Variants in SET observed in about 807,000 individuals in gnomAD.
SET encodes the protein SET nuclear proto-oncogene, also known as protein SET.
A neutral mutation model predicts 39.0 loss-of-function variants in SET; 4 were observed. That is an observed-to-expected ratio of 0.10 (90% confidence interval 0.05 to 0.23). SET has a LOEUF of 0.23. Among genes scored for constraint, SET ranks in the 10% least tolerant of loss-of-function variants. The pLI is 1.00. For synonymous variants in SET, 114 were observed against 115.9 expected, an observed-to-expected ratio of 0.98 and a Z score of 0.11; for missense variants, 137 against 329.7, an observed-to-expected ratio of 0.42 and a Z score of 4.53.
chr9:128,691,310 C>A, intron 2 of SET, 83 bp downstream of exon 2: 1 of 849,612 alleles, frequency 1.2e-6, no homozygotes. Flanking sequence ...ATGGTCAAAT[C>A]TATCCACTGT....
intron 5 of SET, 69 bp from the exon 6 acceptor site, chr9:128,693,569 T>G (rs1861621250): frequency 6.9e-7 from 1 of 1,450,762 alleles, no homozygotes; most frequent in Admixed American, 2.8e-5. Flanking sequence ...AAAATCTTAT[T>G]TTTTAAATTA....
At chr9:128,691,341 C>A in intron 2 of SET, 114 bp downstream of exon 2, 2 of 723,028 alleles carry the variant, frequency 2.8e-6, no homozygotes. Flanking sequence ...ATGATTCTAA[C>A]TTGGTTGGAA....
intron 3 of SET, chr9:128,692,204 G>A (rs1364017518): frequency 2.0e-6 from 1 of 493,220 alleles, no homozygotes; most frequent in African/African-American, 2.0e-5. Flanking sequence ...TTGGCCAACA[G>A]GTTGAAACCC....
chr9:128,690,940 G>A, intron 1 of SET: 4 of 579,982 alleles, frequency 6.9e-6, no homozygotes, highest in South Asian at 3.9e-5. Context: ...TTAAAAAGGC[G>A]CTATAGAAAA....
At chr9:128,691,069 TTTTG>T (rs752040683) in intron 1 of SET, 97 bp from the exon 2 acceptor site, 18 of 893,962 alleles carry the variant, frequency 2.0e-5, no homozygotes, top group Non-Finnish European at 2.8e-5. Flanking sequence ...TACTAGGCGT[TTTTG>T]TTTTTGTTTT....
Position 128,695,276 on chromosome 9 carries a change from G to T in SET, c.*612G>T, listed in dbSNP as rs1470537467. 4.5e-6 allele frequency: 1 copy of T among 223,190 alleles called. No homozygotes were observed. Among genetic ancestry groups the T allele is most frequent in the Non-Finnish European group, 9.1e-6 (1 of 109,384 alleles). 13.8% of individuals were successfully genotyped at this position (223,190 alleles called of 1,614,324 possible). On this transcript the variant is annotated 3_prime_UTR_variant, in exon 8 of 8. Transcript: ENST00000322030. ...TTTGGCATGTTTAATTGTGATATTTGACAGACATCCTTGCAGTTTAAGATG... is the reference window on the plus strand; with the variant it reads ...TTTGGCATGTTTAATTGTGATATTTTACAGACATCCTTGCAGTTTAAGATG...
intron 3 of SET, chr9:128,692,215 C>T (rs529023747): frequency 3.5e-5 from 16 of 457,452 alleles, no homozygotes; most frequent in Admixed American, 8.0e-5. Context: ...GTTGAAACCC[C>T]GTCTCTACTA....
chr9:128,694,758 T>TC lies in SET; in HGVS notation c.*97dup, dbSNP rs201363886. The TC allele has an allele frequency of 2.5e-3, 1,337 of 541,908 alleles. 23 individuals are homozygous for TC. Among genetic ancestry groups the TC allele is most frequent in the African/African-American group, 0.016 (607 of 38,880 alleles). The allele number at this position is 541,908 out of a possible 1,614,324, so 33.6% of individuals were successfully genotyped here. On this transcript the variant is annotated 3_prime_UTR_variant, in exon 8 of 8. Transcript: ENST00000322030. Reference sequence around the variant, plus strand: ...TCTTTTTTTTTTTTTTTTTTTTTTTTCCCTCTTGTGCTCAGTCGCCCTGTT... The same window carrying TC: ...TCTTTTTTTTTTTTTTTTTTTTTTTTCCCCTCTTGTGCTCAGTCGCCCTGTT...
chr9:128,692,174 G>A (rs1320632022), intron 3 of SET, among the ~76,000 whole-genome samples, 174 bp downstream of exon 3: 12 of 152,050 alleles, frequency 7.9e-5, no homozygotes, highest in Admixed American at 7.9e-4. Context: ...ATCACTTGAG[G>A]TCAGGGGTTC....
chr9:128,689,745 G>T (rs993934659), intron 1 of SET, 90 bp downstream of exon 1: 7 of 182,090 alleles, frequency 3.8e-5, no homozygotes, highest in Non-Finnish European at 6.0e-5. Flanking sequence ...CGGGGCGCGC[G>T]CGGGGGGCGC....
At chr9:128,692,314 T>G in intron 3 of SET, 1 of 278,790 alleles carries the variant, frequency 3.6e-6, no homozygotes, top group Non-Finnish European at 6.7e-6. Flanking sequence ...GGAGAATCGC[T>G]TGAACCCAGG....
rs780361429 is a variant in SET, at chr9:128,691,189, G to A, written c.93G>A (p.Ala31=). The change falls in exon 2 of 8, where the codon GCG becomes GCA. Residue 31 remains alanine, a synonymous_variant. Coordinates refer to ENST00000322030, the MANE Select transcript of SET (RefSeq NM_003011.4). ...DETSEKEQQE[A]IEHIDEVQNE... ...TTGCAGAAAAAGAACAGCAAGAAGC[G>A]ATTGAACACATTGATGAAGTACAAA... 2.5e-6 allele frequency: 4 copies of A among 1,606,062 alleles called. No individual in the cohort carries two copies. Among genetic ancestry groups the A allele is most frequent in the Non-Finnish European group, 3.4e-6 (4 of 1,177,552 alleles).
chr9:128,691,146 A>T (rs1861521101), intron 1 of SET, 24 bp from the exon 2 acceptor site: 1 of 1,576,290 alleles, frequency 6.3e-7, no homozygotes, highest in Non-Finnish European at 8.7e-7. Context: ...TCTTAGAATT[A>T]AGTTTTTTGC....
chr9:128,692,813 G>A (rs1345027772), intron 4 of SET, 48 bp downstream of exon 4: 1 of 1,523,620 alleles, frequency 6.6e-7, no homozygotes, highest in Non-Finnish European at 9.1e-7. Context: ...AAATTAATGT[G>A]AGCTTTGGTT....
chr9:128,684,011 C>G (rs1349708763), intron 1 of SET: 1 of 1,536,258 alleles, frequency 6.5e-7, no homozygotes, highest in Non-Finnish European at 8.8e-7. Flanking sequence ...AAGGGAGGTA[C>G]GTTTCTGCGC....
intron 3 of SET, chr9:128,692,303 A>G (rs1861566707): frequency 2.6e-5 from 7 of 268,994 alleles, no homozygotes; most frequent in Non-Finnish European, 4.8e-5. Context: ...AGGCTGAGGC[A>G]GGAGAATCGC....
At chr9:128,684,011 C>T (rs1349708763) in intron 1 of SET, 6 of 1,536,258 alleles carry the variant, frequency 3.9e-6, no homozygotes, top group Non-Finnish European at 4.4e-6. Flanking sequence ...AAGGGAGGTA[C>T]GTTTCTGCGC....
chr9:128,689,187 G>A (rs944606392), upstream of SET: 2 of 889,624 alleles, frequency 2.2e-6, no homozygotes, highest in African/African-American at 3.6e-5. Flanking sequence ...CGGAGCATCC[G>A]CGCGGGGCCT....
At chr9:128,687,384 A>G (rs1252484038), upstream of SET, among the ~76,000 whole-genome samples, 1 of 152,084 alleles carries the variant, frequency 6.6e-6, no homozygotes, top group Non-Finnish European at 1.5e-5. Flanking sequence ...AGGCAGGTGG[A>G]TCACCTGAGG....
Sources: gnomAD v4.1 joint callset for allele counts (sites outside exome capture counted in the v4.1 genomes callset) on GRCh38, gnomAD v4.1.1 for gene constraint, MANE v1.5 for transcripts, NCBI Gene and HGNC (gene_info 2026-07-23, HGNC 2026-07-21) for gene names.